CEP112: variants seen among roughly 807,000 people sequenced by gnomAD.
The protein encoded by CEP112 is centrosomal protein of 112 kDa.
In CEP112, 127 loss-of-function variants were observed where a neutral mutation model predicts 153.0. The ratio of observed to expected loss-of-function variants is 0.83; its 90% CI spans 0.72 to 0.96. CEP112 has a LOEUF of 0.96. CEP112 is among the 40% of genes least tolerant of loss of function. CEP112 has a pLI of 0.00. For synonymous variants in CEP112, 358 were observed against 374.4 expected (o/e 0.96, Z 0.51); for missense variants, 1,089 against 1,101.2 (o/e 0.99, Z 0.16).
intron 21 of CEP112, among the ~76,000 whole-genome samples, chr17:65,761,276 A>ATTATTT (rs950042526): frequency 6.9e-4 from 105 of 151,364 alleles, no homozygotes; most frequent in Non-Finnish European, 1.2e-3. Context: ...CTTTTTTTAA[A>ATTATTT]TTATTTTTAT....
intron 6 of CEP112, among the ~76,000 whole-genome samples, chr17:66,108,431 T>C (rs1352947016): frequency 6.6e-6 from 1 of 151,858 alleles, no homozygotes; most frequent in Non-Finnish European, 1.5e-5. Flanking sequence ...AAACCAATAA[T>C]CCGACTTGAA....
chr17:65,680,360 C>T (rs566211298), intron 24 of CEP112, among the ~76,000 whole-genome samples: 2 of 152,182 alleles, frequency 1.3e-5, no homozygotes, highest in South Asian at 2.1e-4. Flanking sequence ...TTTAGGAGGC[C>T]CAATACCAAG....
intron 4 of CEP112, among the ~76,000 whole-genome samples, chr17:66,157,344 C>T (rs959699150): frequency 2.6e-5 from 4 of 152,224 alleles, no homozygotes; most frequent in Admixed American, 6.5e-5. Flanking sequence ...ATTTTGTCAC[C>T]ACCAGGCCTG....
At chr17:66,051,073 G>A (rs556529654) in intron 12 of CEP112, among the ~76,000 whole-genome samples, 3 of 151,756 alleles carry the variant, frequency 2.0e-5, no homozygotes, top group South Asian at 2.1e-4. Context: ...TTGACCTAAT[G>A]GGCTCAAGTA....
At chr17:65,956,865 C>T (rs2144705555) in intron 18 of CEP112, among the ~76,000 whole-genome samples, 1 of 152,250 alleles carries the variant, frequency 6.6e-6, no homozygotes, top group Non-Finnish European at 1.5e-5. Flanking sequence ...ACAGTAGTCC[C>T]TCCTTATATG....
rs1812828001 is a variant in CEP112 at position 66,096,261 on chromosome 17, CG to C, written c.757del (p.Arg253ValfsTer7). ...ATATCTCATTCCTACCTCTTTCTCA[CG>C]TATTCGAGAGAGAAAATGATCATCA... is the stretch of plus-strand genomic sequence containing the variant. The part of the protein sequence containing the change: ...FHDDHFLSRI[R>X]EKELDMKTKM... On this transcript the variant is annotated frameshift_variant, in exon 8 of 27. Coordinates refer to ENST00000535342, the MANE Select transcript of CEP112 (RefSeq NM_001199165.4). LOFTEE classifies it high-confidence loss of function. The C allele has an allele frequency of 1.2e-6, 2 of 1,610,152 alleles. No homozygotes were observed. Among genetic ancestry groups the C allele is most frequent in the East Asian group, 4.5e-5 (2 of 44,830 alleles).
At chr17:65,764,824 A>C (rs1027090235) in intron 21 of CEP112, among the ~76,000 whole-genome samples, 6 of 147,266 alleles carry the variant, frequency 4.1e-5, no homozygotes, top group Non-Finnish European at 8.9e-5. Context: ...GTTGTTTTGT[A>C]TATCCTTTGT....
intron 21 of CEP112, among the ~76,000 whole-genome samples, chr17:65,839,999 T>G (rs1303199510): frequency 6.6e-6 from 1 of 151,978 alleles, no homozygotes; most frequent in Non-Finnish European, 1.5e-5. Context: ...AAAACACTGA[T>G]CAAAGAAATT....
rs940402225 is a variant in CEP112, at chr17:65,970,331, G to A, written c.1737-8733C>T. ...ATCTCATATGTAAAACATATTGCAT[G>A]CATATTACATGCATGTGCACTATGT... On this transcript the variant is annotated intron_variant, in intron 17 of 26. Transcript: ENST00000535342. Among the ~76,000 whole-genome samples, 2 of 151,778 alleles carry A rather than the reference G, an allele frequency of 1.3e-5. 1 individual carries two copies. The highest frequency in any genetic ancestry group is 2.9e-5 in the Non-Finnish European group (2 of 67,946).
At chr17:65,670,084 C>T (rs555862622) in intron 24 of CEP112, among the ~76,000 whole-genome samples, 86 of 152,058 alleles carry the variant, frequency 5.7e-4, no homozygotes, top group African/African-American at 2.0e-3. Flanking sequence ...TAAATGTTTG[C>T]TGAATAAGTG....
chr17:65,861,522 T>C (rs1342370010), intron 20 of CEP112, among the ~76,000 whole-genome samples: 2 of 152,152 alleles, frequency 1.3e-5, no homozygotes, highest in Non-Finnish European at 2.9e-5. Flanking sequence ...AAAAGAATAT[T>C]ATCCAGAATG....
intron 2 of CEP112, chr17:66,182,083 C>T (rs2072743737): frequency 6.6e-6 from 1 of 152,232 alleles, no homozygotes; most frequent in South Asian, 2.1e-4. Flanking sequence ...ACAGTCTCCA[C>T]TTATCCATGG....
At position 65,763,286 on chromosome 17, in the gene CEP112, A is replaced by T. The variant is rs896181020; in HGVS notation, c.2395-12562T>A. Among the ~76,000 whole-genome samples the T allele has an allele frequency of 2.0e-5, 3 of 152,022 alleles. No homozygotes were observed. In the South Asian group the frequency reaches 6.2e-4, roughly 32 times the overall value. ...TTGAATATGGTATGCCTAGGTGTGT[A>T]GCATGTTTTTTCTTTCATTTATGCT... is the stretch of plus-strand genomic sequence containing the variant. On this transcript the variant is annotated intron_variant, in intron 21 of 26. Coordinates refer to ENST00000535342, the MANE Select transcript of CEP112 (RefSeq NM_001199165.4).
Position 65,909,849 on chromosome 17 carries a change from G to GT in CEP112, c.1981-7516dup, listed in dbSNP as rs1251025487. Among the ~76,000 whole-genome samples the GT allele has an allele frequency of 3.3e-5, 5 of 152,276 alleles. No homozygotes were observed. The East Asian group carries it at 7.7e-4, about 24-fold the overall frequency. On this transcript the variant is annotated intron_variant, in intron 19 of 26. Coordinates refer to ENST00000535342, the MANE Select transcript of CEP112 (RefSeq NM_001199165.4). ...TCCCTATACCCTAGAAGTAGAACTG[G>GT]TAAGTTGAAATTATGCTGAGGATTA...
At chr17:66,149,619 T>G (rs1235607747) in intron 4 of CEP112, among the ~76,000 whole-genome samples, 1 of 152,118 alleles carries the variant, frequency 6.6e-6, no homozygotes, top group Non-Finnish European at 1.5e-5. Flanking sequence ...GACATATGGT[T>G]GCTCATAGTC....
chr17:65,667,558 TACACACACACAC>T (rs71361241), intron 24 of CEP112, among the ~76,000 whole-genome samples: 1 of 149,178 alleles, frequency 6.7e-6, no homozygotes, highest in East Asian at 2.0e-4. Flanking sequence ...TTTGTACTCT[TACACACACACAC>T]ACACACACAC....
intron 12 of CEP112, among the ~76,000 whole-genome samples, chr17:66,043,587 C>T (rs2066077265): frequency 6.6e-6 from 1 of 152,124 alleles, no homozygotes. Context: ...AATAAAGCCG[C>T]CCACAGATTT....
chr17:65,893,895 A>G (rs978855560), intron 20 of CEP112, among the ~76,000 whole-genome samples: 1 of 152,028 alleles, frequency 6.6e-6, no homozygotes, highest in African/African-American at 2.4e-5. Context: ...ATAAGCTTCA[A>G]TTTGCCAGCT....
intron 17 of CEP112, among the ~76,000 whole-genome samples, chr17:65,997,042 C>T (rs1324028206): frequency 1.3e-5 from 2 of 152,078 alleles, no homozygotes; most frequent in African/African-American, 4.8e-5. Flanking sequence ...AACCTCGTCT[C>T]TACTAAAATA....
Sources: gnomAD v4.1 joint callset for allele counts (sites outside exome capture counted in the v4.1 genomes callset) on GRCh38, gnomAD v4.1.1 for gene constraint, MANE v1.5 for transcripts, NCBI Gene and HGNC (gene_info 2026-07-23, HGNC 2026-07-21) for gene names.